Variants in TMEFF2 observed in about 807,000 individuals in gnomAD.
The protein encoded by TMEFF2 is transmembrane protein with EGF like and two follistatin like domains 2.
A neutral mutation model predicts 53.8 loss-of-function variants in TMEFF2; 28 were observed. The observed-to-expected ratio is 0.52, with a 90% CI of 0.39 to 0.71. The LOEUF is 0.71. TMEFF2 is among the 30% of genes least tolerant of loss of function. The pLI, the probability that TMEFF2 is intolerant of heterozygous loss-of-function variation, is 0.00. For synonymous variants in TMEFF2, 162 were observed against 166.3 expected (o/e 0.97, Z 0.20); for missense variants, 353 against 455.2 (o/e 0.78, Z 2.04).
intron 4 of TMEFF2, among the ~76,000 whole-genome samples, chr2:192,062,378 G>T (rs569236740): frequency 1.3e-5 from 2 of 152,180 alleles, no homozygotes; most frequent in Non-Finnish European, 2.9e-5. Flanking sequence ...TACACTGCAG[G>T]TTATTTATTC....
At chr2:192,056,056 A>C (rs1559106380) in intron 5 of TMEFF2, among the ~76,000 whole-genome samples, 1 of 152,174 alleles carries the variant, frequency 6.6e-6, no homozygotes, top group Non-Finnish European at 1.5e-5. Context: ...ATCTTCACTT[A>C]AAAAATATTT....
intron 3 of TMEFF2, 28 bp downstream of exon 3, chr2:192,184,323 CAGA>C: frequency 1.2e-6 from 2 of 1,609,410 alleles, no homozygotes; most frequent in Non-Finnish European, 1.7e-6. Flanking sequence ...GGAATCCATG[CAGA>C]AGGTTTCAAA....
chr2:192,160,187 C>A (rs1690600540), intron 4 of TMEFF2, among the ~76,000 whole-genome samples: 1 of 152,000 alleles, frequency 6.6e-6, no homozygotes, highest in Non-Finnish European at 1.5e-5. Flanking sequence ...AGAGAGTACT[C>A]AATAGATTTC....
chr2:192,193,659 G>A (rs1691516338), intron 1 of TMEFF2, among the ~76,000 whole-genome samples: 1 of 151,924 alleles, frequency 6.6e-6, no homozygotes, highest in Non-Finnish European at 1.5e-5. Context: ...GTACTACCTT[G>A]AAGCTTAGGG....
chr2:192,044,755 A>G (rs1559100380), intron 5 of TMEFF2, among the ~76,000 whole-genome samples: 1 of 152,142 alleles, frequency 6.6e-6, no homozygotes, highest in African/African-American at 2.4e-5. Flanking sequence ...AAGCCCTGAT[A>G]TCTTCTGTGG....
intron 4 of TMEFF2, among the ~76,000 whole-genome samples, chr2:192,149,114 G>A (rs1367793354): frequency 2.0e-5 from 3 of 151,816 alleles, no homozygotes; most frequent in Non-Finnish European, 4.4e-5. Flanking sequence ...CTTTAATTTT[G>A]CATTCAACTG....
At chr2:192,177,410 A>C (rs1182840624) in intron 4 of TMEFF2, 1 of 151,000 alleles carries the variant, frequency 6.6e-6, no homozygotes, top group Non-Finnish European at 1.5e-5. Flanking sequence ...GAATTTAAAG[A>C]AAATTAAAAC....
chr2:192,106,667 G>A (rs1689156669), intron 4 of TMEFF2, among the ~76,000 whole-genome samples: 1 of 151,696 alleles, frequency 6.6e-6, no homozygotes, highest in Non-Finnish European at 1.5e-5. Context: ...CTCTACTTCA[G>A]TACTCCCTAT....
chr2:192,106,091 A>G (rs1382110913), intron 4 of TMEFF2, among the ~76,000 whole-genome samples: 4 of 151,856 alleles, frequency 2.6e-5, no homozygotes, highest in African/African-American at 4.8e-5. Context: ...TACATAAATG[A>G]AGCTAAAATA....
At chr2:192,063,686 TA>T (rs571361962) in intron 4 of TMEFF2, among the ~76,000 whole-genome samples, 42 of 151,766 alleles carry the variant, frequency 2.8e-4, no homozygotes, top group African/African-American at 8.0e-4. Flanking sequence ...AATTTGCGTC[TA>T]GTTCTCTTTT....
At chr2:192,083,443 T>C (rs1688600037) in intron 4 of TMEFF2, among the ~76,000 whole-genome samples, 1 of 152,140 alleles carries the variant, frequency 6.6e-6, no homozygotes, top group Non-Finnish European at 1.5e-5. Context: ...GGACAGTAAG[T>C]CTATTGGGAC....
chr2:192,167,666 A>G (rs1346209071), intron 4 of TMEFF2, among the ~76,000 whole-genome samples: 1 of 152,128 alleles, frequency 6.6e-6, no homozygotes, highest in Non-Finnish European at 1.5e-5. Flanking sequence ...GAGCATTACT[A>G]CATTGCTGAA....
At chr2:191,955,524 A>ATTTTTTTTTTTTTTTTTTTTTTTTTT (rs71405028) in intron 8 of TMEFF2, among the ~76,000 whole-genome samples, 1 of 60,302 alleles carries the variant, frequency 1.7e-5, no homozygotes, top group African/African-American at 6.6e-5. Flanking sequence ...CTAATTCTTA[A>ATTTTTTTTTTTTTTTTTTTTTTTTTT]TTTTTTTTTT....
chr2:191,954,992 TTAA>T (rs1388318485), intron 8 of TMEFF2, among the ~76,000 whole-genome samples: 12 of 152,032 alleles, frequency 7.9e-5, no homozygotes, highest in Non-Finnish European at 1.5e-4. Flanking sequence ...CAGGAAGGGT[TTAA>T]TAATAATGAC....
chr2:192,093,683 GA>G (rs1688841707), intron 4 of TMEFF2, among the ~76,000 whole-genome samples: 1 of 152,046 alleles, frequency 6.6e-6, no homozygotes, highest in African/African-American at 2.4e-5. Context: ...ATCTGATAAT[GA>G]GTAGACCCCG....
chr2:192,023,678 CTGT>C (rs761296521), intron 5 of TMEFF2, among the ~76,000 whole-genome samples: 1 of 151,932 alleles, frequency 6.6e-6, no homozygotes. Flanking sequence ...ATATCTCTGT[CTGT>C]CTGTTTGTTT....
rs1341129810 is a variant in TMEFF2, at chr2:192,062,978, T to TG, written c.440-5204_440-5203insC. On this transcript the variant is annotated intron_variant, in intron 4 of 9. Coordinates refer to ENST00000272771, the MANE Select transcript of TMEFF2 (RefSeq NM_016192.4). ...ATCTAGTCCGGGAGTGTTTTTTTTT[T>TG]TTGTTGTTGTTGTTGCTATTCAATT... is the stretch of plus-strand genomic sequence containing the variant. Among the ~76,000 whole-genome samples the TG allele has an allele frequency of 1.1e-3, 173 of 151,492 alleles. 1 individual carries two copies. The highest frequency in any genetic ancestry group is 4.0e-3 in the African/African-American group (165 of 41,324).
intron 5 of TMEFF2, among the ~76,000 whole-genome samples, chr2:192,005,292 A>C (rs1013221563): frequency 1.3e-5 from 2 of 152,236 alleles, no homozygotes; most frequent in Non-Finnish European, 2.9e-5. Context: ...GGGGTTTGAC[A>C]TTAATTTAAT....
chr2:192,081,299 C>G (rs1688547123), intron 4 of TMEFF2, among the ~76,000 whole-genome samples: 1 of 152,176 alleles, frequency 6.6e-6, no homozygotes, highest in Admixed American at 6.5e-5. Context: ...TACTTTAATA[C>G]TAAGCCTGAA....
Sources: allele counts gnomAD v4.1 joint callset (sites outside exome capture counted in the v4.1 genomes callset), GRCh38; gene constraint gnomAD v4.1.1; transcripts MANE v1.5; gene names NCBI Gene and HGNC (gene_info 2026-07-23, HGNC 2026-07-21).